DHX8: variants seen among roughly 807,000 people sequenced by gnomAD.
DHX8 encodes the protein DEAH-box helicase 8.
DHX8 carries 67 observed loss-of-function variants against 140.7 expected under a neutral mutation model. The ratio of observed to expected loss-of-function variants is 0.48; its 90% CI spans 0.39 to 0.58. The LOEUF is 0.58. Among genes scored for constraint, DHX8 ranks in the 20% least tolerant of loss-of-function variants. The pLI is 0.00. For synonymous variants in DHX8, 533 were observed against 553.2 expected (o/e 0.96, Z 0.51); for missense variants, 887 against 1,550.7 (o/e 0.57, Z 7.19).
At chr17:43,508,676 A>C (rs552972478) in intron 16 of DHX8, among the ~76,000 whole-genome samples, 156 bp downstream of exon 16, 1 of 150,100 alleles carries the variant, frequency 6.7e-6, no homozygotes, top group African/African-American at 2.5e-5. Context: ...CAGGAGTGCA[A>C]TGGCACCATC....
At chr17:43,484,537 A>G (rs1968012030) in intron 1 of DHX8, among the ~76,000 whole-genome samples, 1 of 152,182 alleles carries the variant, frequency 6.6e-6, no homozygotes, top group African/African-American at 2.4e-5. Flanking sequence ...ACTATGTGCT[A>G]GATGCGATGC....
At chr17:43,521,203 T>A (rs1050471968) in intron 20 of DHX8, among the ~76,000 whole-genome samples, 166 bp from the exon 21 acceptor site, 3 of 152,050 alleles carry the variant, frequency 2.0e-5, no homozygotes, top group Non-Finnish European at 4.4e-5. Flanking sequence ...CCTCAAGTGA[T>A]CCTCTTGCCT....
At position 43,489,482 on chromosome 17, in the gene DHX8, C is replaced by T. The variant is rs747860723; in HGVS notation, c.182C>T (p.Thr61Ile). The change falls in exon 2 of 23, where the codon ACC becomes ATC. Residue 61 changes from threonine (T) to isoleucine (I), a missense_variant. This residue lies in a region of DHX8 where 304 missense variants were observed against 306.9 expected (regional missense o/e 0.99). Transcript: ENST00000262415. ...GTGATCAGTCTTGCTGAGAAAAATACCACCTTTGATACTTTTAAGGCTTCT... is the reference window on the plus strand; with the variant it reads ...GTGATCAGTCTTGCTGAGAAAAATATCACCTTTGATACTTTTAAGGCTTCT... ...EFVISLAEKN[T>I]TFDTFKASLV... The T allele has an allele frequency of 6.2e-7, 1 of 1,610,636 alleles. No homozygotes were observed. Among genetic ancestry groups the T allele is most frequent in the East Asian group, 2.2e-5 (1 of 44,858 alleles).
At chr17:43,514,488 A>T (rs542999015) in intron 17 of DHX8, among the ~76,000 whole-genome samples, 1 of 152,320 alleles carries the variant, frequency 6.6e-6, no homozygotes, top group African/African-American at 2.4e-5. Flanking sequence ...GATATCTGAG[A>T]TAATAATAAA....
downstream of DHX8, chr17:43,528,530 A>G (rs1970699859): frequency 6.2e-7 from 1 of 1,608,518 alleles, no homozygotes. Context: ...TAGTAAGAGT[A>G]GCCACCCTTG....
intron 17 of DHX8, among the ~76,000 whole-genome samples, chr17:43,515,412 C>T (rs1479673200): frequency 6.6e-6 from 1 of 152,204 alleles, no homozygotes; most frequent in Non-Finnish European, 1.5e-5. Context: ...TGGTCTCCAT[C>T]TCCTGACCAC....
chr17:43,523,623 C>T lies in DHX8; in HGVS notation c.3444-5C>T, dbSNP rs950991590. 19 of 1,613,930 alleles carry T rather than the reference C, an allele frequency of 1.2e-5. No individual in the cohort carries two copies. The highest frequency in any genetic ancestry group is 1.6e-5 in the Non-Finnish European group (19 of 1,179,964). The stretch of plus-strand genomic sequence containing the variant: ...GGCTTGAGTACTATCTCTGTCCCCC[C>T]TCAGGGTGGTGTACCATGAGCTGGT... On this transcript the variant is annotated splice_polypyrimidine_tract_variant and splice_region_variant and intron_variant, in intron 22 of 22. Coordinates refer to ENST00000262415, the MANE Select transcript of DHX8 (RefSeq NM_004941.3).
At chr17:43,501,632 C>T (rs1227884582) in intron 11 of DHX8, among the ~76,000 whole-genome samples, 2 of 152,148 alleles carry the variant, frequency 1.3e-5, no homozygotes, top group African/African-American at 4.8e-5. Context: ...TACAGGCATG[C>T]ACCACCACGC....
chr17:43,514,056 G>A (rs115263453), intron 17 of DHX8, among the ~76,000 whole-genome samples: 2,633 of 150,232 alleles, frequency 0.018, 78 homozygotes, highest in African/African-American at 0.059. Flanking sequence ...AAATGCCCCC[G>A]TAAGGCCAGA....
intron 3 of DHX8, among the ~76,000 whole-genome samples, chr17:43,540,912 C>T (rs1239967351): frequency 1.3e-5 from 2 of 152,136 alleles, no homozygotes; most frequent in Non-Finnish European, 2.9e-5. Flanking sequence ...ATTCCGGCCC[C>T]ACCCCTGGGG....
At position 43,484,976 on chromosome 17, in the gene DHX8, G is replaced by A. The variant is rs556497869; in HGVS notation, c.148+791G>A. 7.9e-5 allele frequency among the ~76,000 whole-genome samples: 12 copies of A among 152,246 alleles called. No homozygotes were observed. In the East Asian group the frequency reaches 2.1e-3, roughly 27 times the overall value. ...TAAACACCAGTCACTAGATGTTTTG[G>A]GGCAAACTACATCTGGGGAGCCGAA... On this transcript the variant is annotated intron_variant, in intron 1 of 22. Coordinates refer to ENST00000262415, the MANE Select transcript of DHX8 (RefSeq NM_004941.3).
chr17:43,499,932 T>C (rs1474988543), intron 10 of DHX8, 24 bp from the exon 11 acceptor site: 2 of 1,612,008 alleles, frequency 1.2e-6, no homozygotes, highest in Admixed American at 1.7e-5. Flanking sequence ...TTAATCCATG[T>C]TGTTTTTTCT....
chr17:43,530,291 C>T, downstream of DHX8: 1 of 1,515,162 alleles, frequency 6.6e-7, no homozygotes. Flanking sequence ...AGCCTGCTTC[C>T]TGGTGACTGT....
At position 43,520,831 on chromosome 17, in the gene DHX8, G is replaced by C. The variant is rs773722217; in HGVS notation, c.3018G>C (p.Leu1006=). 1.3e-5 allele frequency: 21 copies of C among 1,613,988 alleles called. No individual in the cohort carries two copies. The highest frequency in any genetic ancestry group is 1.7e-5 in the Non-Finnish European group (20 of 1,180,020). ...SVHLGCSEEM[L]TIVSMLSVQN... is the part of the protein sequence containing the mutation. ...ATCTGGGCTGCAGTGAGGAAATGCT[G>C]ACCATTGTATCCATGCTGTCTGTGC... The change falls in exon 20 of 23, where the codon CTG becomes CTC. Residue 1006 remains leucine (L), a synonymous_variant. Transcript: ENST00000262415.
intron 2 of DHX8, among the ~76,000 whole-genome samples, chr17:43,534,706 G>A (rs1190825825): frequency 3.3e-5 from 5 of 152,114 alleles, no homozygotes; most frequent in African/African-American, 7.2e-5. Context: ...TTGGGAGGCC[G>A]AGGCGGGCGG....
intron 3 of DHX8, among the ~76,000 whole-genome samples, chr17:43,541,053 C>A (rs1472829074): frequency 6.6e-6 from 1 of 152,150 alleles, no homozygotes; most frequent in East Asian, 1.9e-4. Flanking sequence ...GACAGTTTAA[C>A]CAGGGACCCC....
chr17:43,493,170 G>T, intron 6 of DHX8, 130 bp downstream of exon 6: 1 of 1,303,930 alleles, frequency 7.7e-7, no homozygotes. Flanking sequence ...ATGGTTCTTA[G>T]AAATTGACTC....
intron 1 of DHX8, among the ~76,000 whole-genome samples, chr17:43,487,629 C>T (rs1336262718): frequency 6.6e-6 from 1 of 152,154 alleles, no homozygotes; most frequent in African/African-American, 2.4e-5. Flanking sequence ...GCTGGCATTA[C>T]AGGCGTGAGC....
At chr17:43,530,230 G>C, downstream of DHX8, 1 of 1,551,426 alleles carries the variant, frequency 6.4e-7, no homozygotes, top group South Asian at 1.2e-5. Context: ...GGTGGAGCTC[G>C]AGGGCAGGGG....
Sources: gnomAD v4.1 joint callset for allele counts (sites outside exome capture counted in the v4.1 genomes callset) on GRCh38, gnomAD v4.1.1 for gene constraint, gnomAD v4.1.1 regional missense constraint, MANE v1.5 for transcripts, NCBI Gene and HGNC (gene_info 2026-07-23, HGNC 2026-07-21) for gene names.